FSTL5: variants seen among roughly 807,000 people sequenced by gnomAD.
FSTL5 encodes the protein follistatin-related protein 5.
In FSTL5, 62 loss-of-function variants were observed where a neutral mutation model predicts 89.1. The observed-to-expected ratio is 0.70, with a 90% confidence interval of 0.57 to 0.86. The LOEUF is 0.86. Ranked by LOEUF, FSTL5 falls within the 40% of genes least tolerant of loss-of-function variation. FSTL5 has a pLI of 0.00. For synonymous variants in FSTL5, 383 were observed against 346.2 expected, an observed-to-expected ratio of 1.11 and a Z score of -1.18; for missense variants, 1,057 against 1,001.6, an observed-to-expected ratio of 1.06 and a Z score of -0.75.
At chr4:161,553,062 T>C (rs983470603) in intron 8 of FSTL5, among the ~76,000 whole-genome samples, 6 of 151,680 alleles carry the variant, frequency 4.0e-5, no homozygotes, top group Non-Finnish European at 5.9e-5. Flanking sequence ...TGGACTACCA[T>C]GAAAAGCTTT....
chr4:161,939,385 C>T (rs947710707), intron 3 of FSTL5, among the ~76,000 whole-genome samples: 7 of 151,828 alleles, frequency 4.6e-5, no homozygotes, highest in African/African-American at 1.7e-4. Flanking sequence ...AATATAAGAG[C>T]TTTCTTTTTA....
At chr4:161,812,105 G>A (rs1485064743) in intron 4 of FSTL5, among the ~76,000 whole-genome samples, 1 of 152,122 alleles carries the variant, frequency 6.6e-6, no homozygotes, top group Non-Finnish European at 1.5e-5. Context: ...AAATGGCAAT[G>A]CAGCTGAAAA....
intron 2 of FSTL5, among the ~76,000 whole-genome samples, chr4:162,089,812 A>G (rs1217342009): frequency 1.3e-5 from 2 of 152,178 alleles, no homozygotes; most frequent in Non-Finnish European, 2.9e-5. Flanking sequence ...AATGCTTGAT[A>G]AAAATTTGCT....
At chr4:161,730,237 T>G (rs957228624) in intron 6 of FSTL5, among the ~76,000 whole-genome samples, 2 of 152,100 alleles carry the variant, frequency 1.3e-5, no homozygotes, top group African/African-American at 2.4e-5. Flanking sequence ...CTTTGAGGAT[T>G]GGTGAGCATC....
intron 4 of FSTL5, among the ~76,000 whole-genome samples, chr4:161,907,848 C>A (rs1733580051): frequency 1.3e-5 from 2 of 152,054 alleles, no homozygotes; most frequent in Admixed American, 6.6e-5. Flanking sequence ...GTTCTAACAT[C>A]TATGCTGTTG....
At chr4:161,560,517 A>G (rs984578099) in intron 8 of FSTL5, among the ~76,000 whole-genome samples, 5 of 151,870 alleles carry the variant, frequency 3.3e-5, no homozygotes, top group African/African-American at 1.2e-4. Flanking sequence ...TTAGCTTCAA[A>G]TATACATTGT....
intron 10 of FSTL5, among the ~76,000 whole-genome samples, chr4:161,537,370 A>G (rs922398530): frequency 6.6e-6 from 1 of 152,184 alleles, no homozygotes; most frequent in Non-Finnish European, 1.5e-5. Flanking sequence ...TCCAGGCCCT[A>G]TCCCAAAACA....
At position 161,506,143 on chromosome 4, in the gene FSTL5, C is replaced by A. The variant is rs1474990285; in HGVS notation, c.1339+4255G>T. On this transcript the variant is annotated intron_variant, in intron 11 of 15. Coordinates refer to ENST00000306100, the MANE Select transcript of FSTL5 (RefSeq NM_020116.5). ...GTGGCATAGAGGGCAGTGGAGCGAT[C>A]ACTGCAGTCTTGAGCTCCAGAGCTC... Among the ~76,000 whole-genome samples, 3 of 143,738 alleles carry A rather than the reference C, an allele frequency of 2.1e-5. No homozygotes were observed. In the East Asian group the frequency reaches 6.2e-4, roughly 30 times the overall value. The allele number at this position is 143,738 out of a possible 152,430, so 94.3% of individuals were successfully genotyped here.
chr4:161,390,732 A>G (rs933236419), intron 15 of FSTL5, among the ~76,000 whole-genome samples: 1 of 152,022 alleles, frequency 6.6e-6, no homozygotes, highest in Non-Finnish European at 1.5e-5. Context: ...GGTCCCAGAT[A>G]CATTAAAGCT....
chr4:161,841,288 C>A (rs376418714), intron 4 of FSTL5, among the ~76,000 whole-genome samples: 15 of 152,182 alleles, frequency 9.9e-5, no homozygotes, highest in African/African-American at 3.6e-4. Context: ...AAAGGAAAAC[C>A]ATATGTTATT....
At chr4:162,004,234 G>A (rs938551848) in intron 3 of FSTL5, among the ~76,000 whole-genome samples, 3 of 152,094 alleles carry the variant, frequency 2.0e-5, no homozygotes, top group Admixed American at 6.6e-5. Flanking sequence ...CTCCTTTTGT[G>A]TGGCCAATGT....
rs1049463658 is a variant in FSTL5, at chr4:161,903,683, T to C, written c.409+16721A>G. On this transcript the variant is annotated intron_variant, in intron 4 of 15. Transcript: ENST00000306100. ...AATCAGACATTCATAGGTTTTTTAA[T>C]TGAGGCCCATGGAGCATTTTTTGGT... Among the ~76,000 whole-genome samples, 4 of 152,072 alleles carry C rather than the reference T, an allele frequency of 2.6e-5. No individual in the cohort carries two copies. The South Asian group carries it at 8.3e-4, about 31-fold the overall frequency.
intron 7 of FSTL5, among the ~76,000 whole-genome samples, chr4:161,605,657 G>A (rs748303420): frequency 2.0e-5 from 3 of 152,098 alleles, no homozygotes; most frequent in Admixed American, 6.6e-5. Flanking sequence ...AAAGTTACTC[G>A]TTGGAGATCC....
At chr4:161,475,459 G>A (rs1734104954) in intron 13 of FSTL5, among the ~76,000 whole-genome samples, 1 of 151,984 alleles carries the variant, frequency 6.6e-6, no homozygotes, top group African/African-American at 2.4e-5. Context: ...TTTCTTTCCA[G>A]TCCTCAGACT....
intron 7 of FSTL5, among the ~76,000 whole-genome samples, chr4:161,628,086 C>T (rs13435342): frequency 0.69 from 105,197 of 151,950 alleles, 36,750 homozygotes; most frequent in African/African-American, 0.77. Flanking sequence ...AATAAGTCCC[C>T]GAGCCTCAGT....
At chr4:161,696,368 A>G (rs1445179225) in intron 6 of FSTL5, among the ~76,000 whole-genome samples, 2 of 152,110 alleles carry the variant, frequency 1.3e-5, no homozygotes, top group Non-Finnish European at 2.9e-5. Context: ...ATGGCCTTAT[A>G]GTATAGTTTG....
At chr4:161,648,732 C>T (rs891580281) in intron 7 of FSTL5, among the ~76,000 whole-genome samples, 2 of 152,026 alleles carry the variant, frequency 1.3e-5, no homozygotes, top group Admixed American at 1.3e-4. Context: ...TCCTGTGACA[C>T]ATACAATCTA....
chr4:161,920,713 TTCAGAGTA>T, intron 3 of FSTL5, 61 bp from the exon 4 acceptor site: 3 of 1,476,136 alleles, frequency 2.0e-6, no homozygotes, highest in Non-Finnish European at 2.8e-6. Flanking sequence ...ATATATATAT[TTCAGAGTA>T]TCAAGTGGAA....
chr4:161,836,565 G>A (rs1229985016), intron 4 of FSTL5, among the ~76,000 whole-genome samples: 3 of 152,040 alleles, frequency 2.0e-5, no homozygotes, highest in Non-Finnish European at 4.4e-5. Flanking sequence ...TCCCAGTGGT[G>A]ATGAGCTGGT....
Sources: allele counts gnomAD v4.1 joint callset (sites outside exome capture counted in the v4.1 genomes callset), GRCh38; gene constraint gnomAD v4.1.1; transcripts MANE v1.5; gene names NCBI Gene and HGNC (gene_info 2026-07-23, HGNC 2026-07-21).